Variants in ARHGAP25 observed in about 807,000 individuals in gnomAD.
ARHGAP25 encodes Rho GTPase activating protein 25, also known as rho GTPase-activating protein 25.
A neutral mutation model predicts 71.0 loss-of-function variants in ARHGAP25; 34 were observed. That is an observed-to-expected ratio of 0.48 (90% CI 0.36 to 0.64). ARHGAP25 has a LOEUF of 0.64. Ranked by LOEUF, ARHGAP25 falls within the 30% of genes least tolerant of loss-of-function variation. The pLI is 0.00. For synonymous variants in ARHGAP25, 282 were observed against 296.5 expected, an observed-to-expected ratio of 0.95 and a Z score of 0.50; for missense variants, 706 against 805.1, an observed-to-expected ratio of 0.88 and a Z score of 1.49.
chr2:68,774,492 C>T (rs1218000558), intron 1 of ARHGAP25, among the ~76,000 whole-genome samples: 2 of 152,188 alleles, frequency 1.3e-5, no homozygotes, highest in African/African-American at 4.8e-5. Flanking sequence ...TTGGCAGTGA[C>T]GATCTAACTG....
intron 1 of ARHGAP25, among the ~76,000 whole-genome samples, chr2:68,738,711 C>T (rs1324694912): frequency 6.6e-6 from 1 of 151,792 alleles, no homozygotes; most frequent in Non-Finnish European, 1.5e-5. Flanking sequence ...ATCCCAGCTA[C>T]TTGGGAGGCT....
At chr2:68,792,545 C>T (rs1363925861) in intron 4 of ARHGAP25, among the ~76,000 whole-genome samples, 1 of 152,144 alleles carries the variant, frequency 6.6e-6, no homozygotes, top group Non-Finnish European at 1.5e-5. Flanking sequence ...TTAAAAATGG[C>T]TTCTAGTTCT....
At chr2:68,746,048 T>A (rs72893992) in intron 1 of ARHGAP25, among the ~76,000 whole-genome samples, 4,185 of 152,314 alleles carry the variant, frequency 0.027, 220 homozygotes, top group African/African-American at 0.096. Context: ...CTCTTAATAC[T>A]GTTGCATTGG....
intron 5 of ARHGAP25, among the ~76,000 whole-genome samples, chr2:68,811,592 G>C (rs761101867): frequency 6.6e-6 from 1 of 152,312 alleles, no homozygotes; most frequent in Admixed American, 6.5e-5. Flanking sequence ...CATAGAGTGG[G>C]CTCTGTGCCA....
chr2:68,731,065 A>G (rs1474623788), upstream of ARHGAP25, among the ~76,000 whole-genome samples: 1 of 152,146 alleles, frequency 6.6e-6, no homozygotes, highest in Non-Finnish European at 1.5e-5. Context: ...TTTAATCAGC[A>G]TCCAACGCAG....
At chr2:68,821,906 GTTTT>G (rs59964574) in intron 9 of ARHGAP25, among the ~76,000 whole-genome samples, 243 of 81,634 alleles carry the variant, frequency 3.0e-3, no homozygotes, top group African/African-American at 9.4e-3. Flanking sequence ...CTTTTTGCTA[GTTTT>G]TTTTTTTTTT....
upstream of ARHGAP25, among the ~76,000 whole-genome samples, chr2:68,731,543 A>G (rs1558601920): frequency 6.6e-6 from 1 of 151,918 alleles, no homozygotes. Context: ...CTCTTTGTCA[A>G]GGTTTACCTG....
chr2:68,790,604 C>A (rs193096238), intron 4 of ARHGAP25, among the ~76,000 whole-genome samples: 84 of 152,242 alleles, frequency 5.5e-4, no homozygotes, highest in Admixed American at 3.3e-4. Context: ...TCTTTCTAGC[C>A]CTTTGTGAAA....
At chr2:68,735,389 A>G in intron 1 of ARHGAP25, 129 bp downstream of exon 1, 1 of 984,824 alleles carries the variant, frequency 1.0e-6, no homozygotes. Flanking sequence ...TTGAGGGACC[A>G]TTTGCATTTA....
chr2:68,746,837 T>C (rs1271555194), intron 1 of ARHGAP25, among the ~76,000 whole-genome samples: 1 of 151,534 alleles, frequency 6.6e-6, no homozygotes, highest in Non-Finnish European at 1.5e-5. Context: ...AGAAACCCCA[T>C]CTCTACTAAA....
intron 5 of ARHGAP25, among the ~76,000 whole-genome samples, chr2:68,810,749 T>C (rs1376389625): frequency 1.8e-5 from 2 of 112,890 alleles, no homozygotes; most frequent in East Asian, 3.0e-4. Context: ...TTTTTTTTTT[T>C]TTTGAGACCA....
intron 5 of ARHGAP25, among the ~76,000 whole-genome samples, chr2:68,811,823 G>A (rs1057360854): frequency 1.3e-5 from 2 of 152,092 alleles, no homozygotes; most frequent in Non-Finnish European, 2.9e-5. Flanking sequence ...CTAGGACCAG[G>A]AGACATGTTC....
At chr2:68,740,561 A>G (rs895616765) in intron 1 of ARHGAP25, among the ~76,000 whole-genome samples, 1 of 152,042 alleles carries the variant, frequency 6.6e-6, no homozygotes, top group African/African-American at 2.4e-5. Flanking sequence ...GTTCCTACCC[A>G]TGCTTTGGTC....
chr2:68,822,606 A>G lies in ARHGAP25; in HGVS notation c.1467A>G (p.Gln489=). Residue 489 remains glutamine (Q), a synonymous_variant, in exon 10 of 11, where the codon CAA becomes CAG. Transcript: ENST00000409202. ...AAGGGCACAGGAGAACGATGTCTCA[A>G]GACTTGCGCCAACTTTCTGACTCCC... The part of the protein sequence containing the change: ...AGEGHRRTMS[Q]DLRQLSDSQR... The G allele has an allele frequency of 6.2e-7, 1 of 1,614,166 alleles. No individual in the cohort carries two copies. The highest frequency in any genetic ancestry group is 8.5e-7 in the Non-Finnish European group (1 of 1,180,026).
At chr2:68,711,511 C>T (rs1407459519) in intron 2 of ARHGAP25, among the ~76,000 whole-genome samples, 2 of 152,054 alleles carry the variant, frequency 1.3e-5, no homozygotes, top group Non-Finnish European at 2.9e-5. Context: ...TCACAACCTC[C>T]ATCTTTTTAA....
chr2:68,727,396 A>G (rs904655724), intron 2 of ARHGAP25, among the ~76,000 whole-genome samples: 7 of 152,284 alleles, frequency 4.6e-5, no homozygotes, highest in African/African-American at 1.7e-4. Context: ...TACAAGTGTG[A>G]CCACAATAGC....
chr2:68,808,982 C>G (rs1680580227), intron 5 of ARHGAP25, among the ~76,000 whole-genome samples: 1 of 152,154 alleles, frequency 6.6e-6, no homozygotes, highest in Admixed American at 6.5e-5. Flanking sequence ...AGGGTTTTTA[C>G]ACATCCAGAA....
Position 68,735,057 on chromosome 2 carries a change from C to A in ARHGAP25, c.-143C>A, listed in dbSNP as rs1675131944. ...AGGAGACACGTTGGCAAATCAGCCTCAAGCCTAAGATTGCTTGTGAAGCAA... is the reference window on the plus strand; with the variant it reads ...AGGAGACACGTTGGCAAATCAGCCTAAAGCCTAAGATTGCTTGTGAAGCAA... On this transcript the variant is annotated 5_prime_UTR_variant, in exon 1 of 11. Transcript: ENST00000409202. The A allele has an allele frequency of 1.3e-6, 1 of 752,398 alleles. No homozygotes were observed. The highest frequency in any genetic ancestry group is 2.0e-5 in the Admixed American group (1 of 49,098). 46.6% of individuals were successfully genotyped at this position (752,398 alleles called of 1,614,324 possible).
chr2:68,733,232 C>G (rs143024546), upstream of ARHGAP25, among the ~76,000 whole-genome samples: 877 of 152,270 alleles, frequency 5.8e-3, 7 homozygotes, highest in African/African-American at 0.02. Context: ...AGAGAGCTAT[C>G]AAATGTGTCC....
Sources: allele counts gnomAD v4.1 joint callset (sites outside exome capture counted in the v4.1 genomes callset), GRCh38; gene constraint gnomAD v4.1.1; transcripts MANE v1.5; gene names NCBI Gene and HGNC (gene_info 2026-07-23, HGNC 2026-07-21).